PLCB1: variants seen among roughly 807,000 people sequenced by gnomAD.
The protein encoded by PLCB1 is 1-phosphatidylinositol 4,5-bisphosphate phosphodiesterase beta-1.
Under a neutral mutation model 161.8 loss-of-function variants are expected in PLCB1, and 46 were observed. The ratio of observed to expected loss-of-function variants is 0.28; its 90% CI spans 0.22 to 0.36. PLCB1 has a LOEUF of 0.36. Among genes scored for constraint, PLCB1 ranks in the 10% least tolerant of loss-of-function variants. The pLI is 1.00. For synonymous variants in PLCB1, 517 were observed against 503.7 expected (o/e 1.03, Z -0.35); for missense variants, 1,016 against 1,472.5 (o/e 0.69, Z 5.07).
intron 2 of PLCB1, among the ~76,000 whole-genome samples, chr20:8,272,051 C>T (rs186488675): frequency 2.6e-5 from 4 of 152,094 alleles, no homozygotes; most frequent in East Asian, 1.9e-4. Context: ...ATCACTTAGG[C>T]GTCTAATGGC....
chr20:8,351,769 T>G (rs1344804802), intron 2 of PLCB1, among the ~76,000 whole-genome samples: 1 of 151,938 alleles, frequency 6.6e-6, no homozygotes, highest in Non-Finnish European at 1.5e-5. Flanking sequence ...ATAAAGGAAA[T>G]GCAATTGAAA....
intron 3 of PLCB1, among the ~76,000 whole-genome samples, chr20:8,547,273 T>C (rs1350605537): frequency 2.0e-5 from 3 of 152,230 alleles, no homozygotes; most frequent in Non-Finnish European, 2.9e-5. Flanking sequence ...ACTTTGGGAC[T>C]ACTGTTTTTT....
chr20:8,416,795 T>C (rs1034283056), intron 3 of PLCB1, among the ~76,000 whole-genome samples: 36 of 152,012 alleles, frequency 2.4e-4, no homozygotes, highest in Admixed American at 2.6e-4. Flanking sequence ...ATCATCCTGG[T>C]AGCCTGACTG....
At chr20:8,264,673 T>C (rs956414780) in intron 2 of PLCB1, among the ~76,000 whole-genome samples, 1 of 152,136 alleles carries the variant, frequency 6.6e-6, no homozygotes, top group Non-Finnish European at 1.5e-5. Context: ...ACCACTATCA[T>C]ATAGGCAGTC....
chr20:8,806,133 G>A (rs1458983304), intron 31 of PLCB1, among the ~76,000 whole-genome samples: 1 of 151,970 alleles, frequency 6.6e-6, no homozygotes. Flanking sequence ...CAAACTTCTG[G>A]GAGAAGAACA....
At chr20:8,761,274 CTGGATT>C (rs1982010020) in intron 25 of PLCB1, among the ~76,000 whole-genome samples, 1 of 152,146 alleles carries the variant, frequency 6.6e-6, no homozygotes, top group Admixed American at 6.5e-5. Context: ...CTGTAGAAAC[CTGGATT>C]TGGATTATAC....
chr20:8,612,750 C>A (rs1192644491), intron 3 of PLCB1, among the ~76,000 whole-genome samples: 1 of 152,152 alleles, frequency 6.6e-6, no homozygotes. Flanking sequence ...ATGGAACTAC[C>A]AACCTAATTA....
At chr20:8,717,558 A>T (rs1979389769) in intron 13 of PLCB1, 113 bp from the exon 14 acceptor site, 1 of 757,318 alleles carries the variant, frequency 1.3e-6, no homozygotes, top group Non-Finnish European at 2.2e-6. Flanking sequence ...AGCAGTGTTG[A>T]AGGTAGGGAA....
chr20:8,295,583 TA>T (rs1983590065), intron 2 of PLCB1, among the ~76,000 whole-genome samples: 1 of 152,110 alleles, frequency 6.6e-6, no homozygotes, highest in African/African-American at 2.4e-5. Context: ...TCAAAATAAA[TA>T]AATAAATAAA....
At chr20:8,279,237 AAAACTGG>A (rs1423743153) in intron 2 of PLCB1, among the ~76,000 whole-genome samples, 1 of 152,172 alleles carries the variant, frequency 6.6e-6, no homozygotes, top group African/African-American at 2.4e-5. Context: ...ACAATCAACA[AAAACTGG>A]AAACTCAAAT....
intron 3 of PLCB1, among the ~76,000 whole-genome samples, chr20:8,422,077 G>T (rs1979558688): frequency 6.6e-6 from 1 of 152,200 alleles, no homozygotes; most frequent in South Asian, 2.1e-4. Context: ...TCTTTCAGAG[G>T]CCTGAGTGAG....
intron 3 of PLCB1, among the ~76,000 whole-genome samples, chr20:8,524,629 C>T (rs1312670153): frequency 1.3e-5 from 2 of 152,116 alleles, no homozygotes; most frequent in Non-Finnish European, 2.9e-5. Context: ...TTAAACGGAG[C>T]AGATGAGGCA....
intron 20 of PLCB1, among the ~76,000 whole-genome samples, chr20:8,739,023 G>T (rs1980730202): frequency 6.6e-6 from 1 of 152,178 alleles, no homozygotes; most frequent in African/African-American, 2.4e-5. Flanking sequence ...GTGGGGGCAT[G>T]CACCTGTAGT....
chr20:8,858,680 G>A (rs1043155456), intron 31 of PLCB1, among the ~76,000 whole-genome samples: 27 of 151,992 alleles, frequency 1.8e-4, no homozygotes, highest in African/African-American at 4.1e-4. Context: ...TCATAGCTTC[G>A]AGTCCTAAAG....
In PLCB1 at chr20:8,371,417, T is replaced by C. The variant is rs762655779; in HGVS notation, c.213T>C (p.Asp71=). ...TACTGGATCTCAGCCTTGTCAAAGA[T>C]GCCAGATGTGGGAGACACGCCAAAG... is the stretch of plus-strand genomic sequence containing the variant. ...TELLDLSLVK[D]ARCGRHAKAP... The change falls in exon 3 of 32, where the codon GAT becomes GAC. Residue 71 remains aspartate, a synonymous_variant. Coordinates refer to ENST00000338037, the MANE Select transcript of PLCB1 (RefSeq NM_015192.4). The C allele has an allele frequency of 5.6e-6, 9 of 1,613,756 alleles. No individual in the cohort carries two copies. The East Asian group carries it at 1.8e-4, about 32-fold the overall frequency.
intron 3 of PLCB1, among the ~76,000 whole-genome samples, chr20:8,422,493 G>C (rs1173433157): frequency 6.6e-6 from 1 of 152,108 alleles, no homozygotes; most frequent in Non-Finnish European, 1.5e-5. Context: ...ATATTGATAG[G>C]GGTTACATGG....
chr20:8,719,773 C>T lies in PLCB1; in HGVS notation c.1513+1925C>T, dbSNP rs1053863727. Among the ~76,000 whole-genome samples, 25 of 151,974 alleles carry T rather than the reference C, an allele frequency of 1.6e-4. No homozygotes were observed. The East Asian group carries it at 3.1e-3, about 19-fold the overall frequency. ...GAAAATTCTTTGCACTGTGGACTTA[C>T]GACGTGTACTTTTCTGTACGCCTGT... On this transcript the variant is annotated intron_variant, in intron 14 of 31. Coordinates refer to ENST00000338037, the MANE Select transcript of PLCB1 (RefSeq NM_015192.4).
At chr20:8,368,046 C>A (rs6055772) in intron 2 of PLCB1, among the ~76,000 whole-genome samples, 43 of 152,272 alleles carry the variant, frequency 2.8e-4, no homozygotes, top group African/African-American at 1.0e-3. Flanking sequence ...GTTAACTACC[C>A]TTCCGTGGCT....
At chr20:8,393,462 A>G (rs1786255695) in intron 3 of PLCB1, among the ~76,000 whole-genome samples, 1 of 152,106 alleles carries the variant, frequency 6.6e-6, no homozygotes, top group Non-Finnish European at 1.5e-5. Flanking sequence ...GCTTGAGGCC[A>G]GGAGTTTGAG....
Sources: allele counts gnomAD v4.1 joint callset (sites outside exome capture counted in the v4.1 genomes callset), GRCh38; gene constraint gnomAD v4.1.1; transcripts MANE v1.5; gene names NCBI Gene and HGNC (gene_info 2026-07-23, HGNC 2026-07-21).